The following OXR1 variants were observed in gnomAD, a reference collection of about 807,000 sequenced individuals.
OXR1 encodes oxidation resistance protein 1.
OXR1 carries 41 observed loss-of-function variants against 104.6 expected under a neutral mutation model. The observed-to-expected ratio is 0.39, with a 90% CI of 0.31 to 0.51. The LOEUF (loss-of-function observed/expected upper bound fraction) is 0.51, where lower values mean the gene tolerates loss of function less well. Ranked by LOEUF, OXR1 falls within the 20% of genes least tolerant of loss-of-function variation. The probability of loss-of-function intolerance (pLI) is 0.77; values close to 1 mark genes in which losing one functional copy is unlikely to be tolerated. For synonymous variants in OXR1, 348 were observed against 348.4 expected (o/e 1.00, Z 0.01); for missense variants, 955 against 1,031.9 (o/e 0.93, Z 1.02).
At chr8:106,732,691 T>G (rs1380689242) in intron 11 of OXR1, among the ~76,000 whole-genome samples, 2 of 152,210 alleles carry the variant, frequency 1.3e-5, no homozygotes, top group African/African-American at 4.8e-5. Flanking sequence ...CAATTGATTT[T>G]CAAGGCTGTA....
intron 3 of OXR1, among the ~76,000 whole-genome samples, chr8:106,525,770 A>G (rs1249108984): frequency 6.6e-6 from 1 of 152,172 alleles, no homozygotes; most frequent in Non-Finnish European, 1.5e-5. Flanking sequence ...AAGGGAATTG[A>G]CAGTCTATTT....
intron 3 of OXR1, among the ~76,000 whole-genome samples, chr8:106,606,461 T>C (rs1279315268): frequency 1.6e-5 from 2 of 124,108 alleles, no homozygotes; most frequent in African/African-American, 3.5e-5. Flanking sequence ...CCATCATGCC[T>C]GGCTAATTTT....
intron 2 of OXR1, among the ~76,000 whole-genome samples, chr8:106,476,346 G>C (rs567241969): frequency 2.6e-5 from 4 of 151,930 alleles, no homozygotes; most frequent in Non-Finnish European, 1.5e-5. Flanking sequence ...TCAAAGCGTT[G>C]ATGAACCCAA....
intron 11 of OXR1, among the ~76,000 whole-genome samples, chr8:106,734,510 G>T (rs187124680): frequency 6.6e-6 from 1 of 152,184 alleles, no homozygotes; most frequent in Non-Finnish European, 1.5e-5. Context: ...ATTTTTGTTA[G>T]TGTGCAAGAC....
intron 2 of OXR1, among the ~76,000 whole-genome samples, chr8:106,419,325 A>G (rs1818810746): frequency 1.3e-5 from 2 of 152,062 alleles, no homozygotes; most frequent in Non-Finnish European, 2.9e-5. Context: ...CTTATCCTCT[A>G]TTTACTTACA....
intron 2 of OXR1, among the ~76,000 whole-genome samples, chr8:106,363,217 C>T (rs1586568084): frequency 6.6e-6 from 1 of 152,194 alleles, no homozygotes; most frequent in East Asian, 1.9e-4. Flanking sequence ...AAAGTAATGA[C>T]TGCTCTTTTT....
intron 1 of OXR1, among the ~76,000 whole-genome samples, chr8:106,349,831 G>A (rs565271236): frequency 6.6e-6 from 1 of 152,248 alleles, no homozygotes; most frequent in African/African-American, 2.4e-5. Context: ...AGAGGCACAG[G>A]TGCACTCAGG....
chr8:106,440,549 A>C (rs1451845237), intron 2 of OXR1, among the ~76,000 whole-genome samples: 1 of 152,118 alleles, frequency 6.6e-6, no homozygotes, highest in Non-Finnish European at 1.5e-5. Flanking sequence ...AACTCATCAA[A>C]ATTTCATTGT....
rs28921375 is a variant in OXR1 at position 106,659,532 on chromosome 8, G to A, written c.221-19678G>A. 9.3e-3 allele frequency among the ~76,000 whole-genome samples: 1,421 copies of A among 152,248 alleles called. 25 individuals are homozygous for A. The highest frequency in any genetic ancestry group is 0.032 in the African/African-American group (1,328 of 41,528). On this transcript the variant is annotated intron_variant, in intron 3 of 16. Transcript: ENST00000517566. Reference sequence around the variant, plus strand: ...AAAGGTGGGACCAGGCATAGGAAAGGGACTTTAAAGTGTTCAAATCAAGGA... The same window carrying A: ...AAAGGTGGGACCAGGCATAGGAAAGAGACTTTAAAGTGTTCAAATCAAGGA...
chr8:106,711,505 A>C (rs776953), intron 10 of OXR1, among the ~76,000 whole-genome samples: 23,868 of 152,158 alleles, frequency 0.16, 2,112 homozygotes, highest in Non-Finnish European at 0.2. Flanking sequence ...TCTTTGCAAC[A>C]AACTACATAT....
At chr8:106,508,577 C>T (rs1328793490) in intron 2 of OXR1, among the ~76,000 whole-genome samples, 2 of 152,162 alleles carry the variant, frequency 1.3e-5, no homozygotes, top group African/African-American at 4.8e-5. Context: ...ACAATGTAAT[C>T]AGTAATGCAA....
chr8:106,394,267 T>C (rs1817691446), intron 2 of OXR1, among the ~76,000 whole-genome samples: 1 of 151,090 alleles, frequency 6.6e-6, no homozygotes, highest in African/African-American at 2.4e-5. Context: ...TTTTAAAGGG[T>C]ATATTTAATA....
intron 2 of OXR1, among the ~76,000 whole-genome samples, chr8:106,433,665 T>G (rs894732738): frequency 6.6e-6 from 1 of 152,222 alleles, no homozygotes; most frequent in East Asian, 1.9e-4. Context: ...TTCACTGTTA[T>G]AATGTTCTCC....
intron 2 of OXR1, among the ~76,000 whole-genome samples, chr8:106,449,541 A>G (rs1482244893): frequency 6.6e-6 from 1 of 152,216 alleles, no homozygotes; most frequent in Non-Finnish European, 1.5e-5. Flanking sequence ...TATAATTCCC[A>G]TTGTAACTGA....
At chr8:106,419,469 A>C (rs2130531046) in intron 2 of OXR1, among the ~76,000 whole-genome samples, 1 of 152,266 alleles carries the variant, frequency 6.6e-6, no homozygotes, top group East Asian at 1.9e-4. Context: ...TTGGCTCAAA[A>C]GCTAAACAGG....
At position 106,359,709 on chromosome 8, in the gene OXR1, A is replaced by G. The variant is rs971118240; in HGVS notation, c.23+73A>G. On this transcript the variant is annotated intron_variant, in intron 2 of 16. Transcript: ENST00000517566. ...GAGCAGTATTTTCTGAGGGAGTCGT[A>G]CAGGCAGAACTTGGGCAGAGAGAAA... 57 of 1,072,374 alleles carry G rather than the reference A, an allele frequency of 5.3e-5. No homozygotes were observed. The African/African-American group carries it at 8.1e-4, about 15-fold the overall frequency. The allele number at this position is 1,072,374 out of a possible 1,614,324, so 66.4% of individuals were successfully genotyped here.
chr8:106,547,083 G>A (rs1010957782), intron 3 of OXR1, among the ~76,000 whole-genome samples: 2 of 152,060 alleles, frequency 1.3e-5, no homozygotes, highest in African/African-American at 4.8e-5. Flanking sequence ...TAGAGACCGG[G>A]TTTCACCATG....
At chr8:106,593,337 CT>C (rs1563629229) in intron 3 of OXR1, among the ~76,000 whole-genome samples, 1 of 152,288 alleles carries the variant, frequency 6.6e-6, no homozygotes, top group South Asian at 2.1e-4. Context: ...GGGGAGAGTC[CT>C]TTTTTGTCTA....
At chr8:106,494,674 C>G (rs561062133) in intron 2 of OXR1, among the ~76,000 whole-genome samples, 1 of 152,134 alleles carries the variant, frequency 6.6e-6, no homozygotes, top group Non-Finnish European at 1.5e-5. Context: ...TATATATAAA[C>G]AAATCTTCTG....
Sources: gnomAD v4.1 joint callset for allele counts (sites outside exome capture counted in the v4.1 genomes callset) on GRCh38, gnomAD v4.1.1 for gene constraint, MANE v1.5 for transcripts, NCBI Gene and HGNC (gene_info 2026-07-23, HGNC 2026-07-21) for gene names.